The following KCNAB2 variants were observed in gnomAD, a reference collection of about 807,000 sequenced individuals.
KCNAB2 encodes voltage-gated potassium channel subunit beta-2.
Under a neutral mutation model 63.6 loss-of-function variants are expected in KCNAB2, and 29 were observed. That is an observed-to-expected ratio of 0.46 (90% CI 0.34 to 0.62). The LOEUF is 0.62. KCNAB2 is among the 20% of genes least tolerant of loss of function. KCNAB2 has a pLI of 0.01. For synonymous variants in KCNAB2, 222 were observed against 224.2 expected (o/e 0.99, Z 0.09); for missense variants, 359 against 563.9 (o/e 0.64, Z 3.68).
chr1:6,022,195 C>T (rs183102867), intron 1 of KCNAB2, among the ~76,000 whole-genome samples: 9 of 135,622 alleles, frequency 6.6e-5, no homozygotes, highest in African/African-American at 2.3e-4. Context: ...GTATTGAGTG[C>T]GTAAATTCAG....
At chr1:6,015,896 G>A (rs187928386) in intron 1 of KCNAB2, among the ~76,000 whole-genome samples, 2,275 of 152,150 alleles carry the variant, frequency 0.015, 39 homozygotes, top group African/African-American at 0.048. Flanking sequence ...TGTAGAGACG[G>A]GGTTTTACCA....
chr1:6,079,835 A>G (rs1330803157), intron 4 of KCNAB2, among the ~76,000 whole-genome samples: 1 of 152,242 alleles, frequency 6.6e-6, no homozygotes, highest in Non-Finnish European at 1.5e-5. Flanking sequence ...CCATTGAACT[A>G]TGCTTGAAAA....
intron 2 of KCNAB2, among the ~76,000 whole-genome samples, chr1:6,052,380 C>T (rs753008156): frequency 2.0e-5 from 3 of 151,562 alleles, no homozygotes; most frequent in Admixed American, 1.3e-4. Context: ...GAGCCGTGAT[C>T]GCACCACTGC....
Position 6,035,749 on chromosome 1 carries a change from AG to A in KCNAB2, c.-53+959del, listed in dbSNP as rs1173694610. ...CAGGAAATAAACAGCTCTGGGGTTC[AG>A]GGGAGTGGTAGAGGGGGTGGGGTCT... On this transcript the variant is annotated intron_variant, in intron 1 of 15. Coordinates refer to the KCNAB2 transcript ENST00000164247. This position sits in a 1 kb window ranked among gnomAD's most constrained non-coding sequence, Gnocchi z 5.0. Among the ~76,000 whole-genome samples, 1 of 144,562 alleles carries A rather than the reference AG, an allele frequency of 6.9e-6. No homozygotes were observed. Among genetic ancestry groups the A allele is most frequent in the Non-Finnish European group, 1.5e-5 (1 of 66,150 alleles). 94.8% of individuals were successfully genotyped at this position (144,562 alleles called of 152,430 possible). A position where few individuals can be genotyped will look rare whatever the true frequency, so the allele number is the denominator to read the frequency against.
chr1:6,041,696 C>A, upstream of KCNAB2: 3 of 732,596 alleles, frequency 4.1e-6, no homozygotes, highest in South Asian at 1.6e-5. Context: ...CCTGAGCAGG[C>A]GACTGGTGGG....
chr1:6,034,685 C>G (rs1659893421), exon 1 of KCNAB2: 1 of 152,518 alleles, frequency 6.6e-6, no homozygotes, highest in South Asian at 2.1e-4. Context: ...ACGTGCGAGC[C>G]CTGTCCCCAG....
Position 6,096,759 on chromosome 1 carries a change from A to G in KCNAB2, c.1069+3A>G. On this transcript the variant is annotated splice_donor_region_variant and intron_variant, in intron 14 of 15. Transcript: ENST00000378083. This position sits in a 1 kb window ranked among gnomAD's most constrained non-coding sequence, Gnocchi z 5.9. ...CACCCTGCCCCAGCTGGCCATAGGT[A>G]ACGGTGGGGTCGCCATGGGGCCAGT... The G allele has an allele frequency of 2.5e-6, 4 of 1,571,034 alleles. No individual in the cohort carries two copies. The East Asian group carries it at 9.3e-5, about 36-fold the overall frequency.
rs1661294053 is a variant in KCNAB2, at chr1:6,050,509, C to G, written c.-26-1002C>G. Among the ~76,000 whole-genome samples, 3 of 152,242 alleles carry G rather than the reference C, an allele frequency of 2.0e-5. 1 individual carries two copies. Among genetic ancestry groups the G allele is most frequent in the African/African-American group, 7.2e-5 (3 of 41,466 alleles). On this transcript the variant is annotated intron_variant, in intron 1 of 15. Transcript: ENST00000378083. ...TCACTGTTGTGCACATGAATTAACA[C>G]CAGTGGTTGCGTTCTGGACACACGC... is the stretch of plus-strand genomic sequence containing the variant.
intron 1 of KCNAB2, among the ~76,000 whole-genome samples, chr1:6,004,928 T>A (rs920741245): frequency 5.5e-5 from 8 of 145,720 alleles, no homozygotes; most frequent in African/African-American, 2.0e-4. Flanking sequence ...TGTTGCTGGC[T>A]GAGGGGTGAG....
rs777458625 is a variant in KCNAB2, at chr1:6,094,370, C to G, written c.647-30C>G. The G allele has an allele frequency of 4.1e-5, 65 of 1,577,326 alleles. No homozygotes were observed. In the African/African-American group the frequency reaches 6.3e-4, roughly 15 times the overall value. ...CTGGCCCTGAGCCCTGGCTGCCCCCCACCTGCGGTTTCCCTTTCTCTCACG... is the reference window on the plus strand; with the variant it reads ...CTGGCCCTGAGCCCTGGCTGCCCCCGACCTGCGGTTTCCCTTTCTCTCACG... On this transcript the variant is annotated intron_variant, in intron 10 of 15. Transcript: ENST00000378083.
Position 6,098,614 on chromosome 1 carries a change from C to T in KCNAB2, c.*40C>T, listed in dbSNP as rs1307773890. ...CCTGCTCGGACAGTTTCCGTTCCCT[C>T]CTAGTCTCTGTTCGCTCGCTTAAGC... On this transcript the variant is annotated 3_prime_UTR_variant, in exon 16 of 16. Coordinates refer to ENST00000378083, the MANE Select transcript of KCNAB2 (RefSeq NM_001199862.2). The T allele has an allele frequency of 3.7e-6, 6 of 1,605,578 alleles. No homozygotes were observed. Among genetic ancestry groups the T allele is most frequent in the African/African-American group, 2.7e-5 (2 of 74,842 alleles).
At position 6,002,055 on chromosome 1, in the gene KCNAB2, C is replaced by CCT. The variant is rs1320746450; in HGVS notation, c.-53+9270_-53+9271dup. The stretch of plus-strand genomic sequence containing the variant: ...CAGAACATGCCTGCTGTCCCCATCA[C>CCT]CTCTGTCCCCCAGCTCAGCCTGACT... On this transcript the variant is annotated intron_variant, in intron 1 of 16. Coordinates refer to the KCNAB2 transcript ENST00000341524. 3.3e-5 allele frequency among the ~76,000 whole-genome samples: 5 copies of CCT among 152,204 alleles called. No individual in the cohort carries two copies. In the East Asian group the frequency reaches 9.6e-4, roughly 29 times the overall value.
intron 1 of KCNAB2, among the ~76,000 whole-genome samples, chr1:6,050,724 G>C (rs1661310824): frequency 6.6e-6 from 1 of 152,188 alleles, no homozygotes; most frequent in African/African-American, 2.4e-5. Context: ...CATCATTTCA[G>C]CTATATTTCA....
At chr1:6,088,703 A>AAAC (rs1173337213) in intron 7 of KCNAB2, among the ~76,000 whole-genome samples, 2 of 142,490 alleles carry the variant, frequency 1.4e-5, no homozygotes, top group Non-Finnish European at 3.0e-5. Flanking sequence ...TTAATTTAAA[A>AAAC]AATAATAATA....
At position 6,096,368 on chromosome 1, in the gene KCNAB2, T is replaced by C; in HGVS notation, c.949-268T>C. 1.8e-6 allele frequency: 1 copy of C among 541,876 alleles called. No homozygotes were observed. The highest frequency in any genetic ancestry group is 3.3e-5 in the East Asian group (1 of 30,642). 33.6% of individuals were successfully genotyped at this position (541,876 alleles called of 1,614,324 possible). On this transcript the variant is annotated intron_variant, in intron 13 of 15. Coordinates refer to ENST00000378083, the MANE Select transcript of KCNAB2 (RefSeq NM_001199862.2). This position sits in a 1 kb window ranked among gnomAD's most constrained non-coding sequence, Gnocchi z 5.9. ...GGAAGGCCAGCACCTCGCCTCCTTG[T>C]CCTGACTTGGGGTTGGGCCAGCACC...
intron 1 of KCNAB2, among the ~76,000 whole-genome samples, chr1:6,016,876 G>A (rs1163512641): frequency 6.6e-6 from 1 of 152,188 alleles, no homozygotes; most frequent in Non-Finnish European, 1.5e-5. Flanking sequence ...TGCTGAAATA[G>A]GTCTGCCTTC....
In KCNAB2 at chr1:6,096,724, G is replaced by C. The variant is rs1412008730; in HGVS notation, c.1037G>C (p.Arg346Pro). The C allele has an allele frequency of 7.5e-6, 12 of 1,593,310 alleles. No homozygotes were observed. The highest frequency in any genetic ancestry group is 1.3e-5 in the African/African-American group (1 of 74,750). ...AAGGAGCTGCAGGCCATCGCCGAGC[G>C]CCTGGGCTGCACCCTGCCCCAGCTG... ...KLKELQAIAE[R>P]LGCTLPQLAI... Residue 346 changes from arginine (R) to proline (P), a missense_variant, in exon 14 of 16, where the codon CGC becomes CCC. This residue lies in a region of KCNAB2 where 271 missense variants were observed against 476.1 expected (regional missense o/e 0.57). Coordinates refer to ENST00000378083, the MANE Select transcript of KCNAB2 (RefSeq NM_001199862.2). This position sits in a 1 kb window ranked among gnomAD's most constrained non-coding sequence, Gnocchi z 5.9.
intron 1 of KCNAB2, chr1:6,026,049 G>T (rs961556705): frequency 2.6e-5 from 4 of 152,862 alleles, no homozygotes; most frequent in African/African-American, 9.6e-5. Context: ...AGGGGCTCCT[G>T]GGCCGACAGG....
chr1:6,077,188 A>C (rs988578777), intron 4 of KCNAB2, among the ~76,000 whole-genome samples: 7 of 151,908 alleles, frequency 4.6e-5, no homozygotes, highest in African/African-American at 1.5e-4. Context: ...TCCATCTCAA[A>C]AAAAAAAGAA....
Sources: allele counts gnomAD v4.1 joint callset (sites outside exome capture counted in the v4.1 genomes callset), GRCh38; gene constraint gnomAD v4.1.1; regional missense constraint gnomAD v4.1.1; non-coding constraint Gnocchi (gnomAD v3.1); transcripts MANE v1.5; gene names NCBI Gene and HGNC (gene_info 2026-07-23, HGNC 2026-07-21).